Variants in CABCOCO1 observed in about 807,000 individuals in gnomAD.
CABCOCO1 encodes the protein ciliary associated calcium binding coiled-coil 1.
In CABCOCO1, 28 loss-of-function variants were observed where a neutral mutation model predicts 35.7. The ratio of observed to expected loss-of-function variants is 0.78; its 90% CI spans 0.58 to 1.07. CABCOCO1 has a LOEUF of 1.07. Ranked by LOEUF, CABCOCO1 falls within the 50% of genes least tolerant of loss-of-function variation. CABCOCO1 has a pLI of 0.00. For synonymous variants in CABCOCO1, 95 were observed against 100.1 expected, an observed-to-expected ratio of 0.95 and a Z score of 0.30; for missense variants, 326 against 309.2, an observed-to-expected ratio of 1.05 and a Z score of -0.41.
chr10:61,719,503 G>T (rs1312185537), intron 5 of CABCOCO1, among the ~76,000 whole-genome samples: 3 of 151,592 alleles, frequency 2.0e-5, no homozygotes, highest in African/African-American at 7.3e-5. Flanking sequence ...ACATTTTTTT[G>T]GTTAGCTTTG....
intron 2 of CABCOCO1, among the ~76,000 whole-genome samples, chr10:61,680,620 AACATATACATGTTATACATAT>A (rs1839721454): frequency 8.7e-6 from 1 of 114,774 alleles, no homozygotes; most frequent in Admixed American, 1.1e-4. Flanking sequence ...TGTTATACAT[AACATATACATGTTATACATAT>A]ATAATATATA....
intron 5 of CABCOCO1, among the ~76,000 whole-genome samples, chr10:61,735,038 A>G (rs541534194): frequency 6.6e-6 from 1 of 152,198 alleles, no homozygotes; most frequent in South Asian, 2.1e-4. Context: ...TAGAAGAATG[A>G]GATTTTTCCA....
chr10:61,686,952 G>A (rs1589121774), intron 4 of CABCOCO1, among the ~76,000 whole-genome samples: 1 of 152,078 alleles, frequency 6.6e-6, no homozygotes, highest in East Asian at 1.9e-4. Context: ...GAAAGCTTCT[G>A]CATAATATTT....
At chr10:61,764,564 T>G (rs1212968689) in intron 7 of CABCOCO1, among the ~76,000 whole-genome samples, 1 of 152,068 alleles carries the variant, frequency 6.6e-6, no homozygotes, top group Non-Finnish European at 1.5e-5. Context: ...AGTACCTAGA[T>G]CTTCCCAGTC....
intron 4 of CABCOCO1, among the ~76,000 whole-genome samples, chr10:61,687,489 C>T (rs1286383636): frequency 2.0e-5 from 3 of 152,160 alleles, no homozygotes; most frequent in Non-Finnish European, 2.9e-5. Context: ...TACAACTGAG[C>T]TCTAAGCCCA....
At chr10:61,668,544 A>C (rs1334764476) in intron 1 of CABCOCO1, among the ~76,000 whole-genome samples, 2 of 151,940 alleles carry the variant, frequency 1.3e-5, no homozygotes, top group Non-Finnish European at 2.9e-5. Context: ...AATTTTGAGA[A>C]CTTACATTTT....
chr10:61,744,975 A>T (rs1164330787), intron 5 of CABCOCO1, among the ~76,000 whole-genome samples: 1 of 152,130 alleles, frequency 6.6e-6, no homozygotes, highest in Non-Finnish European at 1.5e-5. Flanking sequence ...ATTAATGTCT[A>T]GTCTTTTGAA....
chr10:61,709,853 G>A (rs34710663), intron 5 of CABCOCO1, among the ~76,000 whole-genome samples: 2,375 of 152,044 alleles, frequency 0.016, 40 homozygotes, highest in East Asian at 0.047. Flanking sequence ...GTGCTGAGCA[G>A]CTTTTCAAAA....
chr10:61,681,057 G>A, intron 2 of CABCOCO1, 86 bp from the exon 3 acceptor site: 1 of 835,002 alleles, frequency 1.2e-6, no homozygotes, highest in Non-Finnish European at 1.6e-6. Context: ...GGGCATTAAA[G>A]AAAAAGACCT....
intron 5 of CABCOCO1, among the ~76,000 whole-genome samples, chr10:61,718,912 A>G (rs1840931430): frequency 6.6e-6 from 1 of 152,218 alleles, no homozygotes; most frequent in African/African-American, 2.4e-5. Context: ...CTAGGTGCTT[A>G]GAAATTGATT....
At chr10:61,750,946 GA>G (rs1175931673) in intron 5 of CABCOCO1, among the ~76,000 whole-genome samples, 1 of 152,156 alleles carries the variant, frequency 6.6e-6, no homozygotes, top group Non-Finnish European at 1.5e-5. Flanking sequence ...ACAATGGCGA[GA>G]AATCACTCTA....
rs1424120688 is a variant in CABCOCO1 at position 61,719,847 on chromosome 10, G to A, written c.552+29226G>A. Among the ~76,000 whole-genome samples, 3 of 147,796 alleles carry A rather than the reference G, an allele frequency of 2.0e-5. No individual in the cohort carries two copies. In the East Asian group the frequency reaches 5.9e-4, roughly 29 times the overall value. On this transcript the variant is annotated intron_variant, in intron 5 of 7. Transcript: ENST00000648843. ...GAGGTAGGAGAATCACTTGAACTCA[G>A]GAGTCAGAGGTTTCAGTGAGCTGAG... is the stretch of plus-strand genomic sequence containing the variant.
intron 4 of CABCOCO1, among the ~76,000 whole-genome samples, chr10:61,689,416 G>GT (rs899589010): frequency 2.0e-5 from 3 of 151,906 alleles, no homozygotes; most frequent in Non-Finnish European, 2.9e-5. Flanking sequence ...TGTACAAGAG[G>GT]TTTTTTTCCC....
chr10:61,738,809 C>T (rs1841482157), intron 5 of CABCOCO1, among the ~76,000 whole-genome samples: 1 of 152,088 alleles, frequency 6.6e-6, no homozygotes, highest in South Asian at 2.1e-4. Flanking sequence ...TCAACTTGGC[C>T]TGCACTAATA....
chr10:61,704,562 G>A (rs1350460305), intron 5 of CABCOCO1, among the ~76,000 whole-genome samples: 1 of 152,142 alleles, frequency 6.6e-6, no homozygotes, highest in African/African-American at 2.4e-5. Flanking sequence ...GATGAATGCA[G>A]GCCTGACTGA....
chr10:61,683,730 G>A (rs1477016243), intron 3 of CABCOCO1, among the ~76,000 whole-genome samples: 2 of 151,952 alleles, frequency 1.3e-5, no homozygotes, highest in Non-Finnish European at 1.5e-5. Flanking sequence ...CTATTTGAGT[G>A]GCTTAATCTT....
At chr10:61,711,818 T>C (rs547925056) in intron 5 of CABCOCO1, among the ~76,000 whole-genome samples, 1 of 152,054 alleles carries the variant, frequency 6.6e-6, no homozygotes, top group Admixed American at 6.6e-5. Context: ...CCCAAATATG[T>C]ACAGACTAAA....
intron 7 of CABCOCO1, among the ~76,000 whole-genome samples, chr10:61,765,449 C>T (rs548188198): frequency 6.6e-6 from 1 of 152,248 alleles, no homozygotes; most frequent in South Asian, 2.1e-4. Context: ...ATGATGAATA[C>T]TCTTAATTAT....
intron 5 of CABCOCO1, among the ~76,000 whole-genome samples, chr10:61,703,015 G>C (rs1840499641): frequency 1.3e-5 from 2 of 151,996 alleles, no homozygotes; most frequent in Admixed American, 6.6e-5. Flanking sequence ...TGTGGTAGAG[G>C]GAAGTTACTT....
Sources: gnomAD v4.1 joint callset for allele counts (sites outside exome capture counted in the v4.1 genomes callset) on GRCh38, gnomAD v4.1.1 for gene constraint, MANE v1.5 for transcripts, NCBI Gene and HGNC (gene_info 2026-07-23, HGNC 2026-07-21) for gene names.